The following GABRB3 variants were observed in gnomAD, a reference collection of about 807,000 sequenced individuals.
GABRB3 encodes gamma-aminobutyric acid receptor subunit beta-3.
A neutral mutation model predicts 52.1 loss-of-function variants in GABRB3; 14 were observed. The ratio of observed to expected loss-of-function variants is 0.27; its 90% confidence interval spans 0.18 to 0.42. GABRB3 has a LOEUF of 0.42. Ranked by LOEUF, GABRB3 falls within the 10% of genes least tolerant of loss-of-function variation. The pLI is 1.00. For missense variants in GABRB3, 307 were observed against 609.1 expected (o/e 0.50, Z 5.22); for synonymous variants, 260 against 232.3 (o/e 1.12, Z -1.08).
chr15:26,754,284 C>T (rs1890596255), intron 3 of GABRB3, among the ~76,000 whole-genome samples: 1 of 152,106 alleles, frequency 6.6e-6, no homozygotes, highest in South Asian at 2.1e-4. Context: ...AGCAGAAGAG[C>T]ACCTTTGCTC....
intron 6 of GABRB3, among the ~76,000 whole-genome samples, chr15:26,571,564 C>A (rs529561207): frequency 6.6e-6 from 1 of 152,312 alleles, no homozygotes; most frequent in African/African-American, 2.4e-5. Flanking sequence ...CAAAGTACAT[C>A]TTCAGGGAAA....
At chr15:26,590,729 T>C (rs372570069) in intron 4 of GABRB3, among the ~76,000 whole-genome samples, 2 of 152,200 alleles carry the variant, frequency 1.3e-5, no homozygotes, top group East Asian at 1.9e-4. Context: ...CTTGAAGATG[T>C]TGCTGGGAAA....
chr15:26,766,499 T>A (rs539402309), intron 3 of GABRB3, among the ~76,000 whole-genome samples: 37 of 152,194 alleles, frequency 2.4e-4, no homozygotes, highest in Non-Finnish European at 4.6e-4. Flanking sequence ...ACTACCCTCC[T>A]CATTAACATC....
At chr15:26,630,022 C>G (rs551863793) in intron 3 of GABRB3, among the ~76,000 whole-genome samples, 1 of 152,046 alleles carries the variant, frequency 6.6e-6, no homozygotes, top group Non-Finnish European at 1.5e-5. Context: ...CCTGGCACCC[C>G]GCAACCCTCC....
chr15:26,750,067 T>TTC (rs1390645601), intron 3 of GABRB3: 1 of 152,228 alleles, frequency 6.6e-6, no homozygotes, highest in African/African-American at 2.4e-5. Flanking sequence ...ACTGTTTCTA[T>TTC]TCTCTCTTCG....
At position 26,548,153 on chromosome 15, in the gene GABRB3, C is replaced by T; in HGVS notation, c.1081-19G>A. The T allele has an allele frequency of 1.3e-6, 2 of 1,595,826 alleles. No individual in the cohort carries two copies. The highest frequency in any genetic ancestry group is 1.7e-6 in the Non-Finnish European group (2 of 1,163,646). On this transcript the variant is annotated intron_variant, in intron 8 of 8. Coordinates refer to ENST00000311550, the MANE Select transcript of GABRB3 (RefSeq NM_000814.6). ...CATCCACCTAATTGGACGGAAAATG[C>T]ACATGGTTAGACAGCCAGCAGCATA... is the stretch of plus-strand genomic sequence containing the variant.
At chr15:26,663,693 C>A (rs1488305517) in intron 3 of GABRB3, among the ~76,000 whole-genome samples, 4 of 152,090 alleles carry the variant, frequency 2.6e-5, no homozygotes, top group Admixed American at 1.3e-4. Flanking sequence ...TATGTTTAGA[C>A]CTTTTATATT....
intron 4 of GABRB3, 122 bp from the exon 5 acceptor site, chr15:26,583,536 A>T: frequency 1.4e-6 from 1 of 734,864 alleles, no homozygotes; most frequent in Non-Finnish European, 2.5e-6. Flanking sequence ...CTGGCTAAAC[A>T]TCATTCACTA....
chr15:26,699,891 C>CAA (rs58136683), intron 3 of GABRB3, among the ~76,000 whole-genome samples: 12 of 144,780 alleles, frequency 8.3e-5, no homozygotes, highest in African/African-American at 3.0e-4. Context: ...TCTATTTTTT[C>CAA]AAAAAAAAAA....
chr15:26,583,974 C>T (rs767344850), intron 4 of GABRB3, among the ~76,000 whole-genome samples: 14 of 152,036 alleles, frequency 9.2e-5, no homozygotes, highest in Non-Finnish European at 1.6e-4. Context: ...GACGGGGTTT[C>T]ACCATGTTAG....
At chr15:26,593,097 T>C (rs1486381554) in intron 4 of GABRB3, among the ~76,000 whole-genome samples, 11 of 152,164 alleles carry the variant, frequency 7.2e-5, no homozygotes, top group Non-Finnish European at 1.6e-4. Context: ...TCCCAGGTGA[T>C]GCTGATGCTG....
chr15:26,682,797 T>G (rs1367623272), intron 3 of GABRB3, among the ~76,000 whole-genome samples: 4 of 152,182 alleles, frequency 2.6e-5, no homozygotes, highest in African/African-American at 9.7e-5. Context: ...CCTCCATGCA[T>G]AGGGGGCACT....
chr15:26,747,289 A>T (rs1400212558), intron 3 of GABRB3, among the ~76,000 whole-genome samples: 1 of 152,186 alleles, frequency 6.6e-6, no homozygotes, highest in African/African-American at 2.4e-5. Flanking sequence ...TTTGATAGGG[A>T]CTGCATAAAA....
chr15:26,554,640 C>A (rs1003320068), intron 8 of GABRB3, among the ~76,000 whole-genome samples: 1 of 152,148 alleles, frequency 6.6e-6, no homozygotes, highest in Non-Finnish European at 1.5e-5. Flanking sequence ...AGCACTCATT[C>A]ATGGACAGAT....
At chr15:26,726,100 G>A (rs957719103) in intron 3 of GABRB3, among the ~76,000 whole-genome samples, 2 of 143,508 alleles carry the variant, frequency 1.4e-5, no homozygotes, top group Non-Finnish European at 3.0e-5. Context: ...GCTGGAGGGA[G>A]CTGGGAGGGT....
At chr15:26,559,870 G>A (rs1889914247) in intron 8 of GABRB3, among the ~76,000 whole-genome samples, 1 of 152,120 alleles carries the variant, frequency 6.6e-6, no homozygotes, top group Non-Finnish European at 1.5e-5. Flanking sequence ...GGCCACGGCA[G>A]ATCTATGAGA....
chr15:26,703,325 T>C (rs1888995506), intron 3 of GABRB3, among the ~76,000 whole-genome samples: 1 of 152,074 alleles, frequency 6.6e-6, no homozygotes, highest in Non-Finnish European at 1.5e-5. Flanking sequence ...AATCCCTCAG[T>C]CAAGACCGTT....
intron 3 of GABRB3, among the ~76,000 whole-genome samples, chr15:26,672,821 T>C (rs1240488132): frequency 1.3e-5 from 2 of 152,022 alleles, no homozygotes; most frequent in Non-Finnish European, 2.9e-5. Flanking sequence ...AAATATGTGA[T>C]GGAGGAAGAA....
Position 26,560,106 on chromosome 15 carries a change from C to T in GABRB3, c.1080+826G>A, listed in dbSNP as rs118080485. On this transcript the variant is annotated intron_variant, in intron 8 of 8. Coordinates refer to ENST00000311550, the MANE Select transcript of GABRB3 (RefSeq NM_000814.6). ...AACAAATTCACACTCTCCACCCCAG[C>T]GTTTCATTCTTTCCAGACCCACAGG... Among the ~76,000 whole-genome samples, 508 of 152,324 alleles carry T rather than the reference C, an allele frequency of 3.3e-3. 1 individual carries two copies. The highest frequency in any genetic ancestry group is 6.1e-3 in the Non-Finnish European group (418 of 68,020).
Sources: allele counts gnomAD v4.1 joint callset (sites outside exome capture counted in the v4.1 genomes callset), GRCh38; gene constraint gnomAD v4.1.1; transcripts MANE v1.5; gene names NCBI Gene and HGNC (gene_info 2026-07-23, HGNC 2026-07-21).